Variants in TBC1D22A observed in about 807,000 individuals in gnomAD.
The protein encoded by TBC1D22A is TBC1 domain family member 22A, also known as putative GTPase activator.
A neutral mutation model predicts 60.2 loss-of-function variants in TBC1D22A; 38 were observed. The ratio of observed to expected loss-of-function variants is 0.63; its 90% confidence interval spans 0.49 to 0.83. TBC1D22A has a LOEUF of 0.83. Ranked by LOEUF, TBC1D22A falls within the 40% of genes least tolerant of loss-of-function variation. The pLI is 0.00. For missense variants in TBC1D22A, 628 were observed against 701.0 expected, an observed-to-expected ratio of 0.90 and a Z score of 1.18; for synonymous variants, 302 against 281.7, an observed-to-expected ratio of 1.07 and a Z score of -0.72.
At chr22:47,059,795 A>G (rs928667129) in intron 11 of TBC1D22A, among the ~76,000 whole-genome samples, 69 of 152,260 alleles carry the variant, frequency 4.5e-4, no homozygotes, top group African/African-American at 1.6e-3. Context: ...CTTTACGGTA[A>G]CAGCAGGGAT....
chr22:46,989,351 CA>C (rs58999089), intron 9 of TBC1D22A, among the ~76,000 whole-genome samples: 17 of 145,550 alleles, frequency 1.2e-4, no homozygotes, highest in East Asian at 7.9e-4. Flanking sequence ...GGCTGTTTGG[CA>C]AAAAAAAAAG....
At chr22:47,014,632 A>G (rs75748994) in intron 10 of TBC1D22A, among the ~76,000 whole-genome samples, 6,789 of 152,318 alleles carry the variant, frequency 0.045, 253 homozygotes, top group African/African-American at 0.092. Flanking sequence ...AACTAACAGT[A>G]TCTCCGCCTG....
intron 5 of TBC1D22A, among the ~76,000 whole-genome samples, chr22:46,883,031 TA>T (rs1230213600): frequency 1.3e-5 from 2 of 152,256 alleles, no homozygotes; most frequent in Admixed American, 1.3e-4. Flanking sequence ...GTTTACATTT[TA>T]TGCAAGCAGG....
chr22:46,981,374 T>C (rs1050170543), intron 9 of TBC1D22A, among the ~76,000 whole-genome samples: 1 of 150,924 alleles, frequency 6.6e-6, no homozygotes, highest in African/African-American at 2.4e-5. Context: ...CATTGGGGTT[T>C]AGACCCACAC....
At chr22:46,884,625 G>T (rs1367299349) in intron 5 of TBC1D22A, among the ~76,000 whole-genome samples, 1 of 152,238 alleles carries the variant, frequency 6.6e-6, no homozygotes, top group Non-Finnish European at 1.5e-5. Context: ...CCTGTGGTCT[G>T]TAGCAGCTAA....
chr22:47,010,848 G>C (rs958774478), intron 10 of TBC1D22A, among the ~76,000 whole-genome samples: 16 of 152,072 alleles, frequency 1.1e-4, no homozygotes, highest in African/African-American at 3.9e-4. Flanking sequence ...ACAAATCAAA[G>C]AAATAGAAGT....
chr22:46,913,441 A>T (rs2070109863), intron 8 of TBC1D22A: 2 of 1,363,156 alleles, frequency 1.5e-6, no homozygotes, highest in African/African-American at 3.0e-5. Flanking sequence ...ATGAGGACAT[A>T]TCCAAGTAGT....
chr22:46,975,076 C>G (rs946186734), intron 9 of TBC1D22A, among the ~76,000 whole-genome samples: 3 of 152,174 alleles, frequency 2.0e-5, no homozygotes, highest in Non-Finnish European at 4.4e-5. Flanking sequence ...GGAATGAGGA[C>G]TGGAGCCAGC....
chr22:46,935,028 C>T (rs975161221), intron 8 of TBC1D22A, among the ~76,000 whole-genome samples: 5 of 152,092 alleles, frequency 3.3e-5, no homozygotes, highest in African/African-American at 1.2e-4. Flanking sequence ...TCAATAGGGG[C>T]CTGGGTGTGC....
chr22:47,054,125 C>G (rs971199458), intron 11 of TBC1D22A, among the ~76,000 whole-genome samples: 1 of 152,198 alleles, frequency 6.6e-6, no homozygotes, highest in South Asian at 2.1e-4. Flanking sequence ...GCATGCATCC[C>G]TGACTCAAGA....
intron 12 of TBC1D22A, among the ~76,000 whole-genome samples, chr22:47,136,955 C>T (rs77907456): frequency 0.018 from 2,686 of 152,258 alleles, 88 homozygotes; most frequent in African/African-American, 0.061. Flanking sequence ...CTGTGGGTGT[C>T]GCCAGCCCAT....
chr22:46,856,191 G>T (rs1244738397), intron 4 of TBC1D22A, among the ~76,000 whole-genome samples: 1 of 152,236 alleles, frequency 6.6e-6, no homozygotes, highest in African/African-American at 2.4e-5. Flanking sequence ...TACCCGAAGT[G>T]TGGATGTGGT....
intron 8 of TBC1D22A, among the ~76,000 whole-genome samples, chr22:46,925,710 A>C (rs1283310937): frequency 6.6e-6 from 1 of 152,234 alleles, no homozygotes; most frequent in Non-Finnish European, 1.5e-5. Flanking sequence ...CAGTTTTAAA[A>C]AATACGTGTT....
At chr22:46,774,260 C>G (rs1038473603) in intron 1 of TBC1D22A, 2 of 985,532 alleles carry the variant, frequency 2.0e-6, no homozygotes, top group Non-Finnish European at 2.4e-6. Context: ...CTAGGTCCCC[C>G]CTGGTGTTCT....
intron 11 of TBC1D22A, among the ~76,000 whole-genome samples, chr22:47,105,136 T>C (rs558445036): frequency 1.3e-5 from 2 of 152,130 alleles, no homozygotes; most frequent in Non-Finnish European, 2.9e-5. Flanking sequence ...AGAGTTTGAT[T>C]CTTTTCGTCA....
intron 12 of TBC1D22A, among the ~76,000 whole-genome samples, chr22:47,124,801 G>A (rs888579002): frequency 2.0e-5 from 3 of 152,064 alleles, no homozygotes; most frequent in African/African-American, 4.8e-5. Context: ...GGGCTCCACC[G>A]AGGTCCGCCA....
In TBC1D22A at chr22:46,813,138, A is replaced by G. The variant is rs561330439; in HGVS notation, c.637+15518A>G. 4.7e-4 allele frequency among the ~76,000 whole-genome samples: 71 copies of G among 152,358 alleles called. 1 individual carries two copies. The highest frequency in any genetic ancestry group is 7.8e-4 in the Non-Finnish European group (53 of 68,036). On this transcript the variant is annotated intron_variant, in intron 4 of 12. Coordinates refer to ENST00000337137, the MANE Select transcript of TBC1D22A (RefSeq NM_014346.5). ...AGATCAGACCATTAAATACTTCACT[A>G]AAGTACACTCTTTTCTTCCATTTAT... is the stretch of plus-strand genomic sequence containing the variant.
intron 8 of TBC1D22A, among the ~76,000 whole-genome samples, chr22:46,959,436 C>T (rs1279153782): frequency 3.9e-5 from 6 of 152,168 alleles, no homozygotes; most frequent in Admixed American, 6.5e-5. Flanking sequence ...GCTGCCGCAG[C>T]GGGCAGCATT....
At chr22:46,848,408 G>A (rs1243406481) in intron 4 of TBC1D22A, among the ~76,000 whole-genome samples, 1 of 152,212 alleles carries the variant, frequency 6.6e-6, no homozygotes, top group East Asian at 1.9e-4. Flanking sequence ...ACTAGTCTAT[G>A]ACTAACTGCA....
Sources: gnomAD v4.1 joint callset for allele counts (sites outside exome capture counted in the v4.1 genomes callset) on GRCh38, gnomAD v4.1.1 for gene constraint, MANE v1.5 for transcripts, NCBI Gene and HGNC (gene_info 2026-07-23, HGNC 2026-07-21) for gene names.